Variants in PRELID2 observed in about 807,000 individuals in gnomAD.
The protein encoded by PRELID2 is PRELI domain containing 2, also known as PRELI domain-containing protein 2.
In PRELID2, 25 loss-of-function variants were observed where a neutral mutation model predicts 28.4. The observed-to-expected ratio is 0.88, with a 90% CI of 0.64 to 1.23. The LOEUF is 1.23. PRELID2 is among the 50% of genes most tolerant of loss of function. The pLI is 0.00. For synonymous variants in PRELID2, 76 were observed against 71.6 expected (o/e 1.06, Z -0.31); for missense variants, 201 against 214.4 (o/e 0.94, Z 0.39).
At chr5:145,443,333 A>G in the PRELID2 span, among the ~76,000 whole-genome samples, 1 of 151,956 alleles carries the variant, frequency 6.6e-6, no homozygotes, top group Non-Finnish European at 1.5e-5. Flanking sequence ...TACATTCCCA[A>G]AGGCAAAAAA....
chr5:145,706,308 A>G (rs1420181640), intron 1 of PRELID2, among the ~76,000 whole-genome samples: 1 of 152,198 alleles, frequency 6.6e-6, no homozygotes, highest in Non-Finnish European at 1.5e-5. Context: ...TCACAGAACC[A>G]CCTTATGAAG....
the PRELID2 span, among the ~76,000 whole-genome samples, chr5:145,385,367 A>AT: frequency 6.6e-6 from 1 of 152,054 alleles, no homozygotes; most frequent in Non-Finnish European, 1.5e-5. Flanking sequence ...TGTCTATAAA[A>AT]TTTTTTGTCC....
the PRELID2 span, among the ~76,000 whole-genome samples, chr5:145,415,733 A>G: frequency 1.3e-5 from 2 of 151,900 alleles, no homozygotes; most frequent in Non-Finnish European, 2.9e-5. Flanking sequence ...TAGTGCCACA[A>G]TAAACATATG....
intron 1 of PRELID2, among the ~76,000 whole-genome samples, chr5:145,828,521 G>A (rs948604611): frequency 3.9e-5 from 6 of 152,108 alleles, no homozygotes; most frequent in African/African-American, 1.4e-4. Flanking sequence ...TTACCAGTTC[G>A]GAATTTGTGT....
chr5:145,826,484 G>T (rs1755203282), intron 1 of PRELID2, among the ~76,000 whole-genome samples: 1 of 152,084 alleles, frequency 6.6e-6, no homozygotes. Context: ...ATTTTTAAAG[G>T]TATATTTGAC....
At chr5:145,597,890 T>C (rs150137206) in intron 1 of PRELID2, among the ~76,000 whole-genome samples, 3 of 152,200 alleles carry the variant, frequency 2.0e-5, no homozygotes, top group South Asian at 2.1e-4. Flanking sequence ...AATACAGAAG[T>C]GTCTATACAT....
rs76342482 is a variant in PRELID2, at chr5:145,511,775, C to G, written n.71-38460G>C. Among the ~76,000 whole-genome samples the G allele has an allele frequency of 2.8e-3, 428 of 152,292 alleles. 1 individual carries two copies. Among genetic ancestry groups the G allele is most frequent in the African/African-American group, 1.0e-2 (415 of 41,564 alleles). On this transcript the variant is annotated intron_variant and non_coding_transcript_variant, in intron 1 of 2. Coordinates refer to the PRELID2 transcript ENST00000510259. ...CTTCCAGGAACTTTCTGAAGACCACCTGGTAACAACTCAATGGTCAGAAAT... is the reference window on the plus strand; with the variant it reads ...CTTCCAGGAACTTTCTGAAGACCACGTGGTAACAACTCAATGGTCAGAAAT...
chr5:145,250,857 T>C, the PRELID2 span, among the ~76,000 whole-genome samples: 1 of 152,150 alleles, frequency 6.6e-6, no homozygotes, highest in Admixed American at 6.6e-5. Context: ...TTGTGGATAC[T>C]ATAATAACAG....
chr5:145,407,090 AT>A, the PRELID2 span, among the ~76,000 whole-genome samples: 977 of 152,298 alleles, frequency 6.4e-3, 6 homozygotes, highest in Middle Eastern at 0.01. Flanking sequence ...TGAAGCCAGG[AT>A]TGGGGAGCAA....
chr5:145,713,876 G>A lies in PRELID2; in HGVS notation n.70+51055C>T, dbSNP rs191802602. 3.3e-3 allele frequency among the ~76,000 whole-genome samples: 494 copies of A among 151,114 alleles called. 2 individuals carry two copies. Among genetic ancestry groups the A allele is most frequent in the South Asian group, 5.0e-3 (24 of 4,802 alleles). On this transcript the variant is annotated intron_variant and non_coding_transcript_variant, in intron 1 of 2. Transcript: ENST00000510259. ...ACATTTTAAAGTGCTGAAAGAGGGG[G>A]AGAAAACCTGTCTATATTCAGTGAA...
chr5:145,424,334 C>G, the PRELID2 span, among the ~76,000 whole-genome samples: 7 of 152,230 alleles, frequency 4.6e-5, no homozygotes, highest in Non-Finnish European at 8.8e-5. Context: ...CCTCCCCCAG[C>G]CTTGCTGCCA....
At chr5:145,387,936 C>CAAAAAAAAA in the PRELID2 span, among the ~76,000 whole-genome samples, 1 of 111,050 alleles carries the variant, frequency 9.0e-6, no homozygotes. Context: ...AAGACAGAAC[C>CAAAAAAAAA]AAAAAAAAAA....
chr5:145,401,288 G>T, the PRELID2 span, among the ~76,000 whole-genome samples: 35 of 151,704 alleles, frequency 2.3e-4, no homozygotes, highest in African/African-American at 8.5e-4. Context: ...TGAATAAAGA[G>T]GGTAGATCTC....
chr5:145,291,086 T>C, the PRELID2 span, among the ~76,000 whole-genome samples: 1 of 151,744 alleles, frequency 6.6e-6, no homozygotes, highest in African/African-American at 2.4e-5. Context: ...ACACCTGTAA[T>C]CCCAGCACTT....
the PRELID2 span, among the ~76,000 whole-genome samples, chr5:145,420,570 G>A: frequency 5.1e-5 from 7 of 136,316 alleles, no homozygotes; most frequent in Admixed American, 2.3e-4. Context: ...TGTGATTTTT[G>A]TACATTGATT....
the PRELID2 span, among the ~76,000 whole-genome samples, chr5:145,378,619 T>A: frequency 6.6e-6 from 1 of 152,172 alleles, no homozygotes; most frequent in Non-Finnish European, 1.5e-5. Flanking sequence ...TCTTGTAGTG[T>A]ATTTTTTGGC....
chr5:145,576,723 A>G (rs1296220727), intron 1 of PRELID2, among the ~76,000 whole-genome samples: 1 of 152,132 alleles, frequency 6.6e-6, no homozygotes, highest in Non-Finnish European at 1.5e-5. Context: ...AAAAATAGAT[A>G]GAAGGAATAA....
chr5:145,276,142 A>G, the PRELID2 span, among the ~76,000 whole-genome samples: 1 of 152,160 alleles, frequency 6.6e-6, no homozygotes, highest in Admixed American at 6.6e-5. Flanking sequence ...TTTGTTGATT[A>G]ATTCCTCTTT....
At chr5:145,606,838 T>C (rs1262317592) in intron 1 of PRELID2, among the ~76,000 whole-genome samples, 1 of 152,162 alleles carries the variant, frequency 6.6e-6, no homozygotes, top group African/African-American at 2.4e-5. Flanking sequence ...GTAGGAATTT[T>C]ACCAGCACTC....
Sources: gnomAD v4.1 joint callset for allele counts (sites outside exome capture counted in the v4.1 genomes callset) on GRCh38, gnomAD v4.1.1 for gene constraint, MANE v1.5 for transcripts, NCBI Gene and HGNC (gene_info 2026-07-23, HGNC 2026-07-21) for gene names.